TYW1: variants seen among roughly 807,000 people sequenced by gnomAD.
TYW1 encodes the protein S-adenosyl-L-methionine-dependent tRNA 4-demethylwyosine synthase TYW1.
TYW1 carries 46 observed loss-of-function variants against 96.2 expected under a neutral mutation model. The ratio of observed to expected loss-of-function variants is 0.48; its 90% CI spans 0.38 to 0.61. TYW1 has a LOEUF of 0.61. Ranked by LOEUF, TYW1 falls within the 20% of genes least tolerant of loss-of-function variation. The pLI, the probability that TYW1 is intolerant of heterozygous loss-of-function variation, is 0.00. For synonymous variants in TYW1, 274 were observed against 323.0 expected (o/e 0.85, Z 1.63); for missense variants, 684 against 909.6 (o/e 0.75, Z 3.19).
chr7:67,153,024 C>T lies in TYW1; in HGVS notation c.1699-30102C>T, dbSNP rs368647682. The stretch of plus-strand genomic sequence containing the variant: ...GCTGTGTAGTTCTCCAGTCACATCA[C>T]ACCAGGGGGAGGTCATTTTTCTATT... On this transcript the variant is annotated intron_variant, in intron 13 of 15. Transcript: ENST00000359626. 1.1e-4 allele frequency among the ~76,000 whole-genome samples: 17 copies of T among 152,362 alleles called. No homozygotes were observed. In the South Asian group the frequency reaches 3.3e-3, roughly 30 times the overall value.
At chr7:67,001,554 A>AG (rs1793389552) in intron 3 of TYW1, among the ~76,000 whole-genome samples, 1 of 151,094 alleles carries the variant, frequency 6.6e-6, no homozygotes, top group African/African-American at 2.4e-5. Flanking sequence ...CCTGAGTAGC[A>AG]GGGACTATAG....
chr7:67,157,438 A>G (rs2116198513), intron 13 of TYW1, among the ~76,000 whole-genome samples: 1 of 152,146 alleles, frequency 6.6e-6, no homozygotes, highest in East Asian at 1.9e-4. Context: ...GGTGTCAACC[A>G]CCATGCCTGG....
intron 15 of TYW1, among the ~76,000 whole-genome samples, chr7:67,210,764 G>GTCCGTCCA (rs143928226): frequency 6.9e-6 from 1 of 143,986 alleles, no homozygotes; most frequent in Non-Finnish European, 1.5e-5. Flanking sequence ...TCGTCTGTCC[G>GTCCGTCCA]TCCATCCATC....
intron 13 of TYW1, among the ~76,000 whole-genome samples, chr7:67,167,717 T>G (rs1435618440): frequency 6.6e-6 from 1 of 151,920 alleles, no homozygotes; most frequent in Non-Finnish European, 1.5e-5. Flanking sequence ...TAAGTATCCT[T>G]ACATGTTTGG....
At chr7:67,044,394 G>T (rs572300303) in intron 7 of TYW1, among the ~76,000 whole-genome samples, 1 of 152,028 alleles carries the variant, frequency 6.6e-6, no homozygotes. Context: ...CACCACGTCC[G>T]ACCTGAGTTT....
chr7:67,090,984 A>G (rs1796697100), intron 11 of TYW1, among the ~76,000 whole-genome samples: 2 of 152,210 alleles, frequency 1.3e-5, no homozygotes, highest in African/African-American at 4.8e-5. Flanking sequence ...AACTAGTTCA[A>G]CCATTGTGGA....
At chr7:67,206,402 A>C (rs1450478761) in intron 15 of TYW1, among the ~76,000 whole-genome samples, 1 of 152,090 alleles carries the variant, frequency 6.6e-6, no homozygotes, top group Non-Finnish European at 1.5e-5. Flanking sequence ...ACGCCAAGGC[A>C]GGTGGATCAC....
At chr7:67,093,939 A>G (rs929218749) in intron 11 of TYW1, among the ~76,000 whole-genome samples, 12 of 152,216 alleles carry the variant, frequency 7.9e-5, no homozygotes, top group African/African-American at 2.4e-4. Flanking sequence ...GGCTTCTTGC[A>G]TACCCATTAC....
At chr7:67,121,961 AT>A (rs1797772971) in intron 13 of TYW1, among the ~76,000 whole-genome samples, 1 of 140,296 alleles carries the variant, frequency 7.1e-6, no homozygotes, top group Non-Finnish European at 1.5e-5. Context: ...GTTAACTTCA[AT>A]TTCTGTCCGC....
At chr7:67,193,162 G>A (rs1319549199) in intron 14 of TYW1, among the ~76,000 whole-genome samples, 2 of 152,140 alleles carry the variant, frequency 1.3e-5, no homozygotes, top group East Asian at 1.9e-4. Flanking sequence ...CGGCCATCCT[G>A]CAAACACAAG....
chr7:67,049,927 A>G, intron 7 of TYW1, 22 bp from the exon 8 acceptor site: 1 of 1,613,396 alleles, frequency 6.2e-7, no homozygotes, highest in Non-Finnish European at 8.5e-7. Context: ...TCTGGATTTC[A>G]TTCTTTTTTA....
intron 7 of TYW1, among the ~76,000 whole-genome samples, chr7:67,031,874 T>C (rs1415829604): frequency 1.1e-4 from 17 of 151,996 alleles, no homozygotes; most frequent in Non-Finnish European, 2.2e-4. Flanking sequence ...TCATCATTTC[T>C]ACTAAAATGT....
intron 15 of TYW1, among the ~76,000 whole-genome samples, chr7:67,202,035 C>A (rs1226850235): frequency 6.6e-6 from 1 of 152,230 alleles, no homozygotes; most frequent in Non-Finnish European, 1.5e-5. Flanking sequence ...TCTGTTCCCA[C>A]TGCTTGGGAA....
chr7:67,110,330 G>A (rs569954414), intron 12 of TYW1, among the ~76,000 whole-genome samples: 68 of 152,150 alleles, frequency 4.5e-4, no homozygotes, highest in Non-Finnish European at 4.3e-4. Context: ...AAGGCCCTGT[G>A]CTTTTGGTTC....
rs2129242994 is a variant in TYW1 at position 67,017,874 on chromosome 7, T to C, written c.592T>C (p.Trp198Arg). 4 of 1,611,718 alleles carry C rather than the reference T, an allele frequency of 2.5e-6. No individual in the cohort carries two copies. In the South Asian group the frequency reaches 3.3e-5, roughly 13 times the overall value. Residue 198 changes from tryptophan (W) to arginine (R), a missense_variant, in exon 6 of 16, where the codon TGG becomes CGG. Trp to Arg is a moderately radical substitution (Grantham distance 101, BLOSUM62 -3). Coordinates refer to ENST00000359626, the MANE Select transcript of TYW1 (RefSeq NM_018264.4). ...FNKVGKNVDK[W>R]LWMLGAHRVM... ...ACAGGTTGGCAAAAATGTTGACAAGTGGCTCTGGATGCTTGGCGCGCATCG... is the reference window on the plus strand; with the variant it reads ...ACAGGTTGGCAAAAATGTTGACAAGCGGCTCTGGATGCTTGGCGCGCATCG...
intron 13 of TYW1, 26 bp from the exon 14 acceptor site, chr7:67,183,100 C>T (rs1383851765): frequency 2.5e-6 from 4 of 1,581,698 alleles, no homozygotes; most frequent in African/African-American, 1.4e-5. Flanking sequence ...AAGATAACAA[C>T]GAACTTGGCT....
intron 14 of TYW1, 112 bp from the exon 15 acceptor site, chr7:67,195,058 C>A: frequency 1.7e-6 from 2 of 1,208,334 alleles, no homozygotes; most frequent in Non-Finnish European, 2.3e-6. Context: ...CTGTAAAATA[C>A]GGACTGGATT....
chr7:67,224,839 A>G (rs747742590), intron 15 of TYW1, among the ~76,000 whole-genome samples: 21 of 151,950 alleles, frequency 1.4e-4, no homozygotes, highest in Non-Finnish European at 2.6e-4. Flanking sequence ...ACAAAAGTCT[A>G]TTGGATCATA....
At chr7:67,007,196 C>T (rs578076525) in intron 3 of TYW1, among the ~76,000 whole-genome samples, 68 of 151,964 alleles carry the variant, frequency 4.5e-4, no homozygotes, top group African/African-American at 1.6e-3. Context: ...TGGCCATGAG[C>T]CAATTCTTCA....
Sources: gnomAD v4.1 joint callset for allele counts (sites outside exome capture counted in the v4.1 genomes callset) on GRCh38, gnomAD v4.1.1 for gene constraint, MANE v1.5 for transcripts, NCBI Gene and HGNC (gene_info 2026-07-23, HGNC 2026-07-21) for gene names.